The following PXN variants were observed in gnomAD, a reference collection of about 807,000 sequenced individuals.
The protein encoded by PXN is paxillin.
PXN carries 61 observed loss-of-function variants against 103.6 expected under a neutral mutation model. That is an observed-to-expected ratio of 0.59 (90% CI 0.48 to 0.73). PXN has a LOEUF of 0.73. Among genes scored for constraint, PXN ranks in the 30% least tolerant of loss-of-function variants. PXN has a pLI of 0.00. For synonymous variants in PXN, 562 were observed against 607.8 expected (o/e 0.92, Z 1.11); for missense variants, 1,274 against 1,460.3 (o/e 0.87, Z 2.08).
rs1245562999 is a variant in PXN at position 120,232,807 on chromosome 12, C to T, written c.14-8430G>A. Among the ~76,000 whole-genome samples, 9 of 152,012 alleles carry T rather than the reference C, an allele frequency of 5.9e-5. No individual in the cohort carries two copies. In the South Asian group the frequency reaches 1.0e-3, roughly 18 times the overall value. On this transcript the variant is annotated intron_variant, in intron 1 of 14. Transcript: ENST00000637617. ...CCTGAGATGAGCTGCAGTTTTTTTG[C>T]GATTTTTGTGGATTTCATAGCATTA... is the stretch of plus-strand genomic sequence containing the variant.
chr12:120,223,553 G>A (rs960984803), intron 3 of PXN, among the ~76,000 whole-genome samples, 165 bp downstream of exon 3: 2 of 152,122 alleles, frequency 1.3e-5, no homozygotes, highest in African/African-American at 4.8e-5. Flanking sequence ...TGGCACTGAT[G>A]AGGTAGACGG....
In PXN at chr12:120,222,233, G is replaced by A. The variant is rs1441606127; in HGVS notation, c.695+316C>T. Among the ~76,000 whole-genome samples the A allele has an allele frequency of 6.6e-6, 1 of 152,194 alleles. No individual in the cohort carries two copies. Among genetic ancestry groups the A allele is most frequent in the Non-Finnish European group, 1.5e-5 (1 of 68,018 alleles). On this transcript the variant is annotated intron_variant, in intron 5 of 14. Transcript: ENST00000637617. This position sits in a 1 kb window ranked among gnomAD's most constrained non-coding sequence, Gnocchi z 4.7. ...AAGTTCTTGTCCCATTTTACAGATG[G>A]GAAAACTAAGGCTTGAGAGCTGACA... is the stretch of plus-strand genomic sequence containing the variant.
rs1291006747 is a variant in PXN at position 120,228,316 on chromosome 12, G to A, written c.14-3939C>T. Among the ~76,000 whole-genome samples, 1 of 152,190 alleles carries A rather than the reference G, an allele frequency of 6.6e-6. No homozygotes were observed. Among genetic ancestry groups the A allele is most frequent in the Non-Finnish European group, 1.5e-5 (1 of 68,032 alleles). On this transcript the variant is annotated intron_variant, in intron 1 of 14. Coordinates refer to ENST00000637617, the MANE Select transcript of PXN (RefSeq NM_001385981.1). The surrounding 1 kb of genome is among the most constrained non-coding windows in gnomAD (Gnocchi z 4.7). ...GGGGCTTCCCAACCACTTTCTGGAGGAAACCCACCCTGAATTCTGCAGGTT... is the reference window on the plus strand; with the variant it reads ...GGGGCTTCCCAACCACTTTCTGGAGAAAACCCACCCTGAATTCTGCAGGTT...
chr12:120,223,573 C>A, intron 3 of PXN, 145 bp downstream of exon 3: 1 of 596,830 alleles, frequency 1.7e-6, no homozygotes, highest in Non-Finnish European at 2.9e-6. Context: ...GGCCCACCGA[C>A]AGGCCTTCTG....
rs1225648313 is a variant in PXN, at chr12:120,224,477, T to C, written c.14-100A>G. The C allele has an allele frequency of 1.1e-6, 1 of 870,972 alleles. No individual in the cohort carries two copies. The highest frequency in any genetic ancestry group is 2.4e-5 in the East Asian group (1 of 41,598). The allele number at this position is 870,972 out of a possible 1,614,324, so 54.0% of individuals were successfully genotyped here. A position where few individuals can be genotyped will look rare whatever the true frequency, so the allele number is the denominator to read the frequency against. ...CTGCACCTCAAGAGTTAATGCCTTC[T>C]AGCACCTGCCCCACCCATGGGAGAA... On this transcript the variant is annotated intron_variant, in intron 1 of 14. Coordinates refer to ENST00000637617, the MANE Select transcript of PXN (RefSeq NM_001385981.1). This position sits in a 1 kb window ranked among gnomAD's most constrained non-coding sequence, Gnocchi z 5.0.
Position 120,229,364 on chromosome 12 carries a change from A to G in PXN, c.14-4987T>C, listed in dbSNP as rs1487474358. Among the ~76,000 whole-genome samples, 1 of 152,138 alleles carries G rather than the reference A, an allele frequency of 6.6e-6. No homozygotes were observed. The highest frequency in any genetic ancestry group is 1.9e-4 in the East Asian group (1 of 5,192). ...AAGACTATCAAGACCAGAGGCCTGG[A>G]GCTGGACAGGTGCCAAGAGAGAGGA... On this transcript the variant is annotated intron_variant, in intron 1 of 14. Coordinates refer to ENST00000637617, the MANE Select transcript of PXN (RefSeq NM_001385981.1). The surrounding 1 kb of genome is among the most constrained non-coding windows in gnomAD (Gnocchi z 4.0).
At chr12:120,238,793 G>A (rs577165545) in intron 1 of PXN, among the ~76,000 whole-genome samples, 2 of 152,358 alleles carry the variant, frequency 1.3e-5, no homozygotes, top group East Asian at 3.9e-4. Flanking sequence ...TGTCTGCAGA[G>A]ATTGCTGTCT....
rs1467049457 is a variant in PXN, at chr12:120,228,234, G to A, written c.14-3857C>T. ...TGGCATTACTCTACTAAGTTTCCAG[G>A]TCCAGGCCTGGGGCCCTCCAGACCC... On this transcript the variant is annotated intron_variant, in intron 1 of 14. Transcript: ENST00000637617. The surrounding 1 kb of genome is among the most constrained non-coding windows in gnomAD (Gnocchi z 4.7). 6.6e-6 allele frequency among the ~76,000 whole-genome samples: 1 copy of A among 152,184 alleles called. No homozygotes were observed. The highest frequency in any genetic ancestry group is 1.9e-4 in the East Asian group (1 of 5,200).
intron 1 of PXN, among the ~76,000 whole-genome samples, chr12:120,263,417 C>T (rs1039110484): frequency 6.6e-6 from 1 of 152,200 alleles, no homozygotes; most frequent in Non-Finnish European, 1.5e-5. Context: ...GTAGAAGTTA[C>T]AGGTGATCGC....
intron 1 of PXN, among the ~76,000 whole-genome samples, chr12:120,252,555 T>A (rs1042749350): frequency 6.6e-6 from 1 of 152,016 alleles, no homozygotes; most frequent in East Asian, 1.9e-4. Context: ...TGGTCAGAAG[T>A]CAAATGTAAT....
rs1371184760 is a variant in PXN at position 120,215,872 on chromosome 12, G to T, written c.2302-211C>A. On this transcript the variant is annotated intron_variant, in intron 9 of 14. Coordinates refer to ENST00000637617, the MANE Select transcript of PXN (RefSeq NM_001385981.1). This position sits in a 1 kb window ranked among gnomAD's most constrained non-coding sequence, Gnocchi z 4.9. The stretch of plus-strand genomic sequence containing the variant: ...AGGAAGAAGGACAGGGAGGGGAGTC[G>T]ACCAAAGGCAGAGGAAATGGCAAGG... 7.5e-7 allele frequency: 1 copy of T among 1,331,462 alleles called. No homozygotes were observed. Among genetic ancestry groups the T allele is most frequent in the African/African-American group, 1.5e-5 (1 of 66,374 alleles). 82.5% of individuals were successfully genotyped at this position (1,331,462 alleles called of 1,614,324 possible).
chr12:120,213,791 C>A lies in PXN; in HGVS notation c.2979+51G>T. ...ACAGCACAATGAGGAAGACCCCTCT[C>A]TCCCCACTGCCTGCTCCTCGCCCCT... On this transcript the variant is annotated intron_variant, in intron 14 of 14. Transcript: ENST00000637617. This position sits in a 1 kb window ranked among gnomAD's most constrained non-coding sequence, Gnocchi z 4.2. The A allele has an allele frequency of 6.4e-7, 1 of 1,574,320 alleles. No individual in the cohort carries two copies. The highest frequency in any genetic ancestry group is 1.2e-5 in the South Asian group (1 of 85,982).
intron 1 of PXN, among the ~76,000 whole-genome samples, chr12:120,257,064 G>T (rs1362817707): frequency 6.6e-6 from 1 of 152,048 alleles, no homozygotes; most frequent in Non-Finnish European, 1.5e-5. Context: ...AGTCTCCAAG[G>T]CTCATTCAAA....
chr12:120,229,344 T>C lies in PXN; in HGVS notation c.14-4967A>G, dbSNP rs1269515590. The stretch of plus-strand genomic sequence containing the variant: ...CCACTTCTTAGTGTGTGATAAAGAC[T>C]ATCAAGACCAGAGGCCTGGAGCTGG... On this transcript the variant is annotated intron_variant, in intron 1 of 14. Transcript: ENST00000637617. This position sits in a 1 kb window ranked among gnomAD's most constrained non-coding sequence, Gnocchi z 4.0. Among the ~76,000 whole-genome samples the C allele has an allele frequency of 1.3e-5, 2 of 152,146 alleles. No individual in the cohort carries two copies. Among genetic ancestry groups the C allele is most frequent in the Non-Finnish European group, 2.9e-5 (2 of 68,030 alleles).
rs1021236804 is a variant in PXN at position 120,216,282 on chromosome 12, G to C, written c.2292C>G (p.Pro764=). 1.3e-5 allele frequency: 16 copies of C among 1,277,368 alleles called. No homozygotes were observed. Among genetic ancestry groups the C allele is most frequent in the African/African-American group, 1.5e-5 (1 of 64,598 alleles). The allele number at this position is 1,277,368 out of a possible 1,614,324, so 79.1% of individuals were successfully genotyped here. A position where few individuals can be genotyped will look rare whatever the true frequency, so the allele number is the denominator to read the frequency against. The change falls in exon 9 of 15, where the codon CCC becomes CCG. Residue 764 remains proline (P), a synonymous_variant. Transcript: ENST00000637617. The surrounding 1 kb of genome is among the most constrained non-coding windows in gnomAD (Gnocchi z 5.1). ...CTCCTTTAAGGCCTGCCTGCATCGGGGGGAAGAGCGGGTCCTCATCAGTCT... is the reference window on the plus strand; with the variant it reads ...CTCCTTTAAGGCCTGCCTGCATCGGCGGGAAGAGCGGGTCCTCATCAGTCT... ...GCQTDEDPLF[P]PMQIQGLEQR... is the part of the protein sequence containing the mutation.
At position 120,229,211 on chromosome 12, in the gene PXN, G is replaced by A. The variant is rs1281403480; in HGVS notation, c.14-4834C>T. 2.0e-5 allele frequency among the ~76,000 whole-genome samples: 3 copies of A among 152,248 alleles called. No homozygotes were observed. Among genetic ancestry groups the A allele is most frequent in the East Asian group, 1.9e-4 (1 of 5,192 alleles). On this transcript the variant is annotated intron_variant, in intron 1 of 14. Coordinates refer to ENST00000637617, the MANE Select transcript of PXN (RefSeq NM_001385981.1). This position sits in a 1 kb window ranked among gnomAD's most constrained non-coding sequence, Gnocchi z 4.0. ...TGGGGACCCCGGTTGATCCACTGAC[G>A]CATGGCACTCAATATCAGATTAAAG...
Position 120,215,272 on chromosome 12 carries a change from A to G in PXN, c.2405T>C (p.Phe802Ser). The change falls in exon 11 of 15, where the codon TTC becomes TCC. Residue 802 changes from phenylalanine (F) to serine (S), a missense_variant and splice_region_variant. Physicochemically the swap from Phe to Ser is radical, Grantham distance 155. Around this residue, in one of 2 missense-constraint regions of PXN, gnomAD observed 1,178 missense variants for 1,309.0 expected, o/e 0.90. Transcript: ENST00000637617. This position sits in a 1 kb window ranked among gnomAD's most constrained non-coding sequence, Gnocchi z 4.9. ...SSPGGQDEGGFMAQGKTGSSS... is the reference protein window; with the variant it reads ...SSPGGQDEGGSMAQGKTGSSS... ...GCTCCCTGTCTTCCCCTGGGCCATG[A>G]ACTGTGGACACGGAGGGGGCTGGTC... The G allele has an allele frequency of 1.3e-6, 2 of 1,583,890 alleles. No individual in the cohort carries two copies. Among genetic ancestry groups the G allele is most frequent in the African/African-American group, 2.7e-5 (2 of 74,310 alleles).
At position 120,216,083 on chromosome 12, in the gene PXN, C is replaced by T. The variant is rs1327825774; in HGVS notation, c.2301+190G>A. Reference sequence around the variant, plus strand: ...GACCCACAGAAAAGCAAGAGGGCAGCGGACCTTCTGAGTGGGGGAAGACCG... The same window carrying T: ...GACCCACAGAAAAGCAAGAGGGCAGTGGACCTTCTGAGTGGGGGAAGACCG... On this transcript the variant is annotated intron_variant, in intron 9 of 14. Transcript: ENST00000637617. The surrounding 1 kb of genome is among the most constrained non-coding windows in gnomAD (Gnocchi z 5.1). 8 of 1,296,420 alleles carry T rather than the reference C, an allele frequency of 6.2e-6. No individual in the cohort carries two copies. The highest frequency in any genetic ancestry group is 5.6e-5 in the South Asian group (2 of 35,850). The allele number at this position is 1,296,420 out of a possible 1,614,324, so 80.3% of individuals were successfully genotyped here.
In PXN at chr12:120,260,794, T is replaced by G. The variant is rs144212494; in HGVS notation, c.13+4823A>C. 2.0e-3 allele frequency among the ~76,000 whole-genome samples: 299 copies of G among 152,318 alleles called. 1 individual carries two copies. The highest frequency in any genetic ancestry group is 6.8e-3 in the African/African-American group (282 of 41,582). ...CAGCCTGGGAAACATGGTGAAACCC[T>G]GTCTCCACAAAAAATTTCAAAAATT... On this transcript the variant is annotated intron_variant, in intron 1 of 14. Coordinates refer to ENST00000637617, the MANE Select transcript of PXN (RefSeq NM_001385981.1).
Sources: allele counts gnomAD v4.1 joint callset (sites outside exome capture counted in the v4.1 genomes callset), GRCh38; gene constraint gnomAD v4.1.1; regional missense constraint gnomAD v4.1.1; non-coding constraint Gnocchi (gnomAD v3.1); transcripts MANE v1.5; gene names NCBI Gene and HGNC (gene_info 2026-07-23, HGNC 2026-07-21).